The following LINGO2 variants were observed in gnomAD, a reference collection of about 807,000 sequenced individuals.
The protein encoded by LINGO2 is leucine-rich repeat and immunoglobulin-like domain-containing nogo receptor-interacting protein 2.
A neutral mutation model predicts 30.6 loss-of-function variants in LINGO2; 14 were observed. The ratio of observed to expected loss-of-function variants is 0.46; its 90% CI spans 0.30 to 0.72. LINGO2 has a LOEUF of 0.72. Among genes scored for constraint, LINGO2 ranks in the 30% least tolerant of loss-of-function variants. The pLI, the probability that LINGO2 is intolerant of heterozygous loss-of-function variation, is 0.07. For synonymous variants in LINGO2, 317 were observed against 288.5 expected (o/e 1.10, Z -1.00); for missense variants, 729 against 751.7 (o/e 0.97, Z 0.35).
chr9:29,206,126 G>C, the LINGO2 span, among the ~76,000 whole-genome samples: 1 of 152,014 alleles, frequency 6.6e-6, no homozygotes, highest in Admixed American at 6.6e-5. Flanking sequence ...TTGCTAATTT[G>C]GTGTGGAAAA....
intron 1 of LINGO2, among the ~76,000 whole-genome samples, chr9:28,612,831 T>A (rs1291228562): frequency 6.6e-6 from 1 of 152,060 alleles, no homozygotes; most frequent in Non-Finnish European, 1.5e-5. Flanking sequence ...ACATAAGATT[T>A]TGGGGGAGCC....
intron 2 of LINGO2, among the ~76,000 whole-genome samples, chr9:28,434,479 T>C (rs1016788310): frequency 6.6e-6 from 1 of 150,898 alleles, no homozygotes; most frequent in African/African-American, 2.4e-5. Flanking sequence ...CTGCTTTCTC[T>C]ATAACTATCT....
At chr9:28,382,275 A>G (rs887715799) in intron 2 of LINGO2, among the ~76,000 whole-genome samples, 8 of 152,186 alleles carry the variant, frequency 5.3e-5, no homozygotes, top group Admixed American at 1.3e-4. Flanking sequence ...CATTCAAAAT[A>G]TGAAAGCATT....
At chr9:28,272,413 G>C (rs1822973391) in intron 4 of LINGO2, among the ~76,000 whole-genome samples, 1 of 151,618 alleles carries the variant, frequency 6.6e-6, no homozygotes, top group East Asian at 2.0e-4. Context: ...TCCTGCTTCA[G>C]AGCATTTGCA....
intron 5 of LINGO2, among the ~76,000 whole-genome samples, chr9:27,989,892 CTGT>C (rs947998114): frequency 1.3e-5 from 2 of 151,940 alleles, no homozygotes; most frequent in Non-Finnish European, 2.9e-5. Context: ...TCCCCTAAAA[CTGT>C]TGTTCTATGT....
chr9:27,950,510 G>T, exon 6 of LINGO2: 1 of 1,591,344 alleles, frequency 6.3e-7, no homozygotes, highest in Non-Finnish European at 8.6e-7. Context: ...CGATGGGAAT[G>T]CCCTCTGGGA....
chr9:27,995,371 A>G (rs999260673), intron 5 of LINGO2, among the ~76,000 whole-genome samples: 16 of 152,198 alleles, frequency 1.1e-4, no homozygotes, highest in African/African-American at 3.9e-4. Context: ...AAATACTTCT[A>G]AACTCATTCC....
At chr9:28,894,042 A>G in the LINGO2 span, among the ~76,000 whole-genome samples, 1 of 152,114 alleles carries the variant, frequency 6.6e-6, no homozygotes, top group East Asian at 1.9e-4. Flanking sequence ...GAGAATGATG[A>G]TTTCCAATTT....
At position 28,147,778 on chromosome 9, in the gene LINGO2, G is replaced by T. The variant is rs1827857505; in HGVS notation, c.-86-135373C>A. On this transcript the variant is annotated intron_variant, in intron 4 of 5. Coordinates refer to ENST00000379992, the Ensembl canonical transcript of LINGO2. This position sits in a 1 kb window ranked among gnomAD's most constrained non-coding sequence, Gnocchi z 4.7. ...AGAGTCCAGCTGGACCGGTGGAAGG[G>T]TCTCACCCTTTGCCCTTTGACTCCT... Among the ~76,000 whole-genome samples the T allele has an allele frequency of 1.3e-5, 2 of 152,144 alleles. No homozygotes were observed. The highest frequency in any genetic ancestry group is 2.9e-5 in the Non-Finnish European group (2 of 68,010).
At chr9:28,596,990 T>C (rs1246593536) in intron 1 of LINGO2, among the ~76,000 whole-genome samples, 2 of 152,180 alleles carry the variant, frequency 1.3e-5, no homozygotes, top group African/African-American at 2.4e-5. Flanking sequence ...TACGTCTATC[T>C]ATACTGGCAA....
At chr9:27,973,908 C>T (rs1235909446) in intron 5 of LINGO2, among the ~76,000 whole-genome samples, 1 of 152,104 alleles carries the variant, frequency 6.6e-6, no homozygotes, top group African/African-American at 2.4e-5. Flanking sequence ...AAGGCACATT[C>T]CTGTGACATT....
chr9:28,201,413 A>AT (rs1381523459), intron 4 of LINGO2, among the ~76,000 whole-genome samples: 2 of 142,934 alleles, frequency 1.4e-5, no homozygotes, highest in Admixed American at 7.2e-5. Flanking sequence ...TGAACTCATC[A>AT]TTTTTTATGG....
chr9:28,936,747 A>G, the LINGO2 span, among the ~76,000 whole-genome samples: 1 of 152,224 alleles, frequency 6.6e-6, no homozygotes, highest in Admixed American at 6.5e-5. Context: ...TATTGCCATT[A>G]TTATTATAAG....
chr9:28,088,267 C>T (rs142116457), intron 4 of LINGO2, among the ~76,000 whole-genome samples: 1 of 151,436 alleles, frequency 6.6e-6, no homozygotes, highest in East Asian at 1.9e-4. Flanking sequence ...CTAATGGGTA[C>T]ATAAATGGAA....
chr9:28,713,680 A>T, the LINGO2 span, among the ~76,000 whole-genome samples: 1 of 152,062 alleles, frequency 6.6e-6, no homozygotes, highest in Admixed American at 6.6e-5. Flanking sequence ...TTGTGTGTGG[A>T]GGGGTGTGGT....
chr9:28,350,296 T>C (rs1229380789), intron 3 of LINGO2, among the ~76,000 whole-genome samples: 2 of 142,128 alleles, frequency 1.4e-5, no homozygotes, highest in African/African-American at 5.2e-5. Flanking sequence ...AATAAAAGGA[T>C]GGAGGAAGAT....
At chr9:28,633,195 C>T (rs1019229767) in intron 1 of LINGO2, among the ~76,000 whole-genome samples, 1 of 151,948 alleles carries the variant, frequency 6.6e-6, no homozygotes, top group Admixed American at 6.6e-5. Flanking sequence ...CTTCCCCAGC[C>T]CACTGACTCA....
At chr9:28,412,388 G>C (rs1378911254) in intron 2 of LINGO2, among the ~76,000 whole-genome samples, 4 of 151,900 alleles carry the variant, frequency 2.6e-5, no homozygotes, top group Non-Finnish European at 4.4e-5. Flanking sequence ...TTGTGAATAG[G>C]GTTGTTTATC....
chr9:27,991,250 A>AT (rs1315203065), intron 5 of LINGO2, among the ~76,000 whole-genome samples: 22 of 151,802 alleles, frequency 1.4e-4, no homozygotes, highest in Admixed American at 1.2e-3. Flanking sequence ...ACAACAAAGG[A>AT]TTTTTTTCCA....
Sources: gnomAD v4.1 joint callset for allele counts (sites outside exome capture counted in the v4.1 genomes callset) on GRCh38, gnomAD v4.1.1 for gene constraint, Gnocchi (gnomAD v3.1) non-coding constraint, MANE v1.5 for transcripts, NCBI Gene and HGNC (gene_info 2026-07-23, HGNC 2026-07-21) for gene names.